Variants in SYT2 observed in about 807,000 individuals in gnomAD.
SYT2 encodes the protein synaptotagmin-2.
A neutral mutation model predicts 39.9 loss-of-function variants in SYT2; 15 were observed. The ratio of observed to expected loss-of-function variants is 0.38; its 90% CI spans 0.25 to 0.58. The LOEUF (loss-of-function observed/expected upper bound fraction) is 0.58, where lower values mean the gene tolerates loss of function less well. SYT2 is among the 20% of genes least tolerant of loss of function. The probability of loss-of-function intolerance (pLI) is 0.70; values close to 1 mark genes in which losing one functional copy is unlikely to be tolerated. For synonymous variants in SYT2, 181 were observed against 204.5 expected (o/e 0.89, Z 0.98); for missense variants, 389 against 530.3 (o/e 0.73, Z 2.62).
At chr1:202,600,294 TG>T in intron 7 of SYT2, 62 bp downstream of exon 7, 2 of 1,392,340 alleles carry the variant, frequency 1.4e-6, no homozygotes, top group Non-Finnish European at 2.0e-6. Context: ...GTGCAAACTC[TG>T]GGACTTGGTG....
chr1:202,706,264 A>T (rs1198209953), intron 1 of SYT2, among the ~76,000 whole-genome samples: 1 of 152,060 alleles, frequency 6.6e-6, no homozygotes, highest in Non-Finnish European at 1.5e-5. Context: ...AGGGGGATGA[A>T]ATGCAGGACT....
intron 1 of SYT2, among the ~76,000 whole-genome samples, chr1:202,705,270 G>A (rs548630746): frequency 6.6e-6 from 1 of 152,264 alleles, no homozygotes; most frequent in African/African-American, 2.4e-5. Flanking sequence ...GTAAAGTGGG[G>A]ACAGCGATGG....
At chr1:202,699,873 T>C (rs1287640609) in intron 1 of SYT2, among the ~76,000 whole-genome samples, 2 of 152,058 alleles carry the variant, frequency 1.3e-5, no homozygotes, top group East Asian at 1.9e-4. Context: ...GTTGAGTTGA[T>C]TGCTTGCCAT....
At chr1:202,666,870 T>A (rs753158301) in intron 1 of SYT2, among the ~76,000 whole-genome samples, 1 of 152,104 alleles carries the variant, frequency 6.6e-6, no homozygotes, top group Non-Finnish European at 1.5e-5. Context: ...TGATCCCAGG[T>A]ACTCAGGAGG....
In SYT2 at chr1:202,684,316, T is replaced by C. The variant is rs144700569; in HGVS notation, c.-18+25942A>G. ...TCCTTCTCCCCATCCCTGGTAACCA[T>C]TGATCTACTCTCCGTTTCTATTTAT... On this transcript the variant is annotated intron_variant, in intron 1 of 8. Transcript: ENST00000367268. Among the ~76,000 whole-genome samples the C allele has an allele frequency of 9.3e-4, 142 of 152,020 alleles. 1 individual carries two copies. In the East Asian group the frequency reaches 0.013, roughly 14 times the overall value.
At chr1:202,606,996 AT>A (rs1328391820) in intron 1 of SYT2, among the ~76,000 whole-genome samples, 3 of 152,084 alleles carry the variant, frequency 2.0e-5, no homozygotes, top group African/African-American at 7.2e-5. Flanking sequence ...TAACACCATA[AT>A]TTTTTTAGCC....
In SYT2 at chr1:202,634,442, G is replaced by A. The variant is rs183310515; in HGVS notation, c.-17-28653C>T. 5.9e-5 allele frequency among the ~76,000 whole-genome samples: 9 copies of A among 151,940 alleles called. No individual in the cohort carries two copies. The East Asian group carries it at 7.8e-4, about 13-fold the overall frequency. On this transcript the variant is annotated intron_variant, in intron 1 of 8. Coordinates refer to ENST00000367268, the MANE Select transcript of SYT2 (RefSeq NM_177402.5). ...TGAGGCAGCAGAATTGCTTGAACCC[G>A]AGATTGTGCCATTGCACTCCAGCCT...
chr1:202,618,416 T>TGTGTGTGTGTGTGTGC (rs1553336813), intron 1 of SYT2, among the ~76,000 whole-genome samples: 49 of 151,890 alleles, frequency 3.2e-4, no homozygotes, highest in African/African-American at 7.7e-4. Context: ...TGTGTGTGTG[T>TGTGTGTGTGTGTGTGC]GTGTGTGTGT....
In SYT2 at chr1:202,696,508, G is replaced by A. The variant is rs377043267; in HGVS notation, c.-18+13750C>T. On this transcript the variant is annotated intron_variant, in intron 1 of 8. Coordinates refer to ENST00000367268, the MANE Select transcript of SYT2 (RefSeq NM_177402.5). ...AATAATTGTAATTAAATAAACAATC[G>A]CATGATTATTTTAATGTCTTGCTTC... 2.9e-3 allele frequency among the ~76,000 whole-genome samples: 439 copies of A among 152,250 alleles called. 4 individuals carry two copies. The highest frequency in any genetic ancestry group is 9.7e-3 in the African/African-American group (405 of 41,540).
At position 202,602,228 on chromosome 1, in the gene SYT2, G is replaced by A. The variant is rs912967541; in HGVS notation, c.633+150C>T. On this transcript the variant is annotated intron_variant, in intron 5 of 8. Transcript: ENST00000367268. ...GTGAGGGTGGGGTGGGAGGGATCCCGATCCTCCATAGAGGCCGGGGTAGCC... is the reference window on the plus strand; with the variant it reads ...GTGAGGGTGGGGTGGGAGGGATCCCAATCCTCCATAGAGGCCGGGGTAGCC... The A allele has an allele frequency of 3.4e-5, 39 of 1,131,632 alleles. 2 individuals carry two copies. Among genetic ancestry groups the A allele is most frequent in the Middle Eastern group, 6.0e-4 (2 of 3,344 alleles). 70.1% of individuals were successfully genotyped at this position (1,131,632 alleles called of 1,614,324 possible).
intron 1 of SYT2, among the ~76,000 whole-genome samples, chr1:202,684,595 A>T (rs1263898836): frequency 1.3e-5 from 2 of 152,166 alleles, no homozygotes; most frequent in Non-Finnish European, 2.9e-5. Flanking sequence ...TGCCATGAAC[A>T]TGGGGGTGCA....
At chr1:202,627,050 G>T (rs1248411466) in intron 1 of SYT2, among the ~76,000 whole-genome samples, 1 of 152,218 alleles carries the variant, frequency 6.6e-6, no homozygotes. Flanking sequence ...ACAACGAGGG[G>T]TGCAGTGCTC....
At chr1:202,624,429 ATG>A (rs1185454490) in intron 1 of SYT2, among the ~76,000 whole-genome samples, 2 of 150,018 alleles carry the variant, frequency 1.3e-5, no homozygotes, top group Non-Finnish European at 3.0e-5. Context: ...TTTGTGTGGG[ATG>A]TGTGTGTAAT....
At chr1:202,699,656 C>T (rs145069860) in intron 1 of SYT2, among the ~76,000 whole-genome samples, 330 of 152,276 alleles carry the variant, frequency 2.2e-3, no homozygotes, top group Admixed American at 3.8e-3. Context: ...CTGAACTGTA[C>T]ACTTAAACCA....
chr1:202,601,108 A>G lies in SYT2; in HGVS notation c.802-634T>C, dbSNP rs1248382977. 6.6e-6 allele frequency among the ~76,000 whole-genome samples: 1 copy of G among 152,206 alleles called. No homozygotes were observed. Among genetic ancestry groups the G allele is most frequent in the African/African-American group, 2.4e-5 (1 of 41,460 alleles). Reference sequence around the variant, plus strand: ...GGTTCCCAGAGGCCATGGTTTGCTCAAAGTCACACAACAATTTAGCACTGT... The same window carrying G: ...GGTTCCCAGAGGCCATGGTTTGCTCGAAGTCACACAACAATTTAGCACTGT... On this transcript the variant is annotated intron_variant, in intron 6 of 8. Coordinates refer to ENST00000367268, the MANE Select transcript of SYT2 (RefSeq NM_177402.5). The surrounding 1 kb of genome is among the most constrained non-coding windows in gnomAD (Gnocchi z 4.0).
At chr1:202,697,650 G>T (rs540955636) in intron 1 of SYT2, among the ~76,000 whole-genome samples, 15 of 152,348 alleles carry the variant, frequency 9.8e-5, no homozygotes, top group African/African-American at 3.4e-4. Flanking sequence ...GGTCCCAGGG[G>T]TCTCGATCTG....
intron 1 of SYT2, among the ~76,000 whole-genome samples, chr1:202,645,536 A>C (rs1692062964): frequency 6.6e-6 from 1 of 152,174 alleles, no homozygotes; most frequent in Admixed American, 6.5e-5. Context: ...TGCTGCTTAG[A>C]TGAAAAGGGA....
intron 1 of SYT2, chr1:202,632,157 T>C (rs1029686089): frequency 1.2e-6 from 1 of 857,716 alleles, no homozygotes; most frequent in Non-Finnish European, 1.4e-6. Context: ...TTGCCACCAC[T>C]AGATAATTTG....
At chr1:202,648,287 T>A (rs574420646) in intron 1 of SYT2, among the ~76,000 whole-genome samples, 1 of 152,158 alleles carries the variant, frequency 6.6e-6, no homozygotes, top group African/African-American at 2.4e-5. Flanking sequence ...TTCAAGAGAT[T>A]CTCATGCCTC....
Sources: gnomAD v4.1 joint callset for allele counts (sites outside exome capture counted in the v4.1 genomes callset) on GRCh38, gnomAD v4.1.1 for gene constraint, Gnocchi (gnomAD v3.1) non-coding constraint, MANE v1.5 for transcripts, NCBI Gene and HGNC (gene_info 2026-07-23, HGNC 2026-07-21) for gene names.